Variants in TRMT10C observed in about 807,000 individuals in gnomAD.
TRMT10C encodes the protein tRNA methyltransferase 10 homolog C.
A neutral mutation model predicts 27.4 loss-of-function variants in TRMT10C; 14 were observed. That is an observed-to-expected ratio of 0.51 (90% CI 0.34 to 0.80). The LOEUF (loss-of-function observed/expected upper bound fraction) is 0.80. Among genes scored for constraint, TRMT10C ranks in the 30% least tolerant of loss-of-function variants. The probability of loss-of-function intolerance (pLI) is 0.02; values close to 1 mark genes in which losing one functional copy is unlikely to be tolerated. For synonymous variants in TRMT10C, 143 were observed against 155.9 expected, an observed-to-expected ratio of 0.92 and a Z score of 0.62; for missense variants, 438 against 464.8, an observed-to-expected ratio of 0.94 and a Z score of 0.53.
In TRMT10C at chr3:101,565,052, C is replaced by G; in HGVS notation, c.271C>G (p.Leu91Val). 2 of 1,613,974 alleles carry G rather than the reference C, an allele frequency of 1.2e-6. No individual in the cohort carries two copies. The highest frequency in any genetic ancestry group is 1.7e-6 in the Non-Finnish European group (2 of 1,180,014). The change falls in exon 2 of 2, where the codon CTA becomes GTA. Residue 91 changes from leucine to valine, a missense_variant. Physicochemically the swap from Leu to Val is conservative, Grantham distance 32 (BLOSUM62 1). Transcript: ENST00000309922. Reference protein sequence around the residue: ...TISSSKDEDPLAATREFIEMW... With the variant: ...TISSSKDEDPVAATREFIEMW... ...CTCAAGCAGTAAGGATGAAGATCCTCTAGCTGCCACCAGAGAGTTCATTGA... is the reference window on the plus strand; with the variant it reads ...CTCAAGCAGTAAGGATGAAGATCCTGTAGCTGCCACCAGAGAGTTCATTGA...
intron 1 of TRMT10C, chr3:101,562,236 A>G (rs910563337): frequency 6.6e-6 from 1 of 152,250 alleles, no homozygotes; most frequent in Non-Finnish European, 1.5e-5. Flanking sequence ...GTGGTATTCT[A>G]AGTCCTTGCC....
At position 101,565,501 on chromosome 3, in the gene TRMT10C, T is replaced by A. The variant is rs1406002018; in HGVS notation, c.720T>A (p.Pro240=). ...GATGGAACAGAAGAAATGTTGATCC[T>A]TTCCATATTTATTTCTGCAATCTAA... The part of the protein sequence containing the change: ...SEGWNRRNVD[P]FHIYFCNLKI... The change falls in exon 2 of 2, where the codon CCT becomes CCA. Residue 240 remains proline (P), a synonymous_variant. Transcript: ENST00000309922. 1 of 1,613,576 alleles carries A rather than the reference T, an allele frequency of 6.2e-7. No individual in the cohort carries two copies. Among genetic ancestry groups the A allele is most frequent in the East Asian group, 2.2e-5 (1 of 44,876 alleles).
rs759619774 is a variant in TRMT10C at position 101,565,549 on chromosome 3, A to T, written c.768A>T (p.Arg256Ser). The T allele has an allele frequency of 6.2e-7, 1 of 1,614,056 alleles. No individual in the cohort carries two copies. The highest frequency in any genetic ancestry group is 2.2e-5 in the East Asian group (1 of 44,884). Residue 256 changes from arginine (R) to serine (S), a missense_variant, in exon 2 of 2, where the codon AGA becomes AGT. By Grantham distance (110) the Arg-to-Ser change is moderately radical (BLOSUM62 -1). Transcript: ENST00000309922. ...TAAAAATAGATGGTGCTTTGCACAG[A>T]GAGTTAGTTAAACGGTATCAAGAAA... ...CNLKIDGALHRELVKRYQEKW... is the reference protein window; with the variant it reads ...CNLKIDGALHSELVKRYQEKW...
intron 1 of TRMT10C, among the ~76,000 whole-genome samples, chr3:101,563,459 G>A (rs553364318): frequency 1.3e-5 from 2 of 152,208 alleles, no homozygotes; most frequent in African/African-American, 4.8e-5. Context: ...CACCCGGCCT[G>A]CATTTGAGAT....
intron 1 of TRMT10C, among the ~76,000 whole-genome samples, chr3:101,563,855 A>G (rs1158970431): frequency 1.3e-5 from 2 of 152,076 alleles, no homozygotes; most frequent in Non-Finnish European, 2.9e-5. Context: ...AATCTTGGAC[A>G]TTTTCTTTGT....
At position 101,565,905 on chromosome 3, in the gene TRMT10C, T is replaced by C; in HGVS notation, c.1124T>C (p.Phe375Ser). ...GGTAATTGGCAAGAGGCTCTGCAATTCGTTCCCAAGAGAAAACATACTGGT... is the reference window on the plus strand; with the variant it reads ...GGTAATTGGCAAGAGGCTCTGCAATCCGTTCCCAAGAGAAAACATACTGGT... ...NNGNWQEALQFVPKRKHTGFL... is the reference protein window; with the variant it reads ...NNGNWQEALQSVPKRKHTGFL... The change falls in exon 2 of 2, where the codon TTC (phenylalanine) becomes TCC (serine). Residue 375 changes from phenylalanine (F) to serine (S), a missense_variant. Transcript: ENST00000309922. The C allele has an allele frequency of 6.2e-7, 1 of 1,614,178 alleles. No homozygotes were observed. The highest frequency in any genetic ancestry group is 8.5e-7 in the Non-Finnish European group (1 of 1,180,028).
chr3:101,563,012 C>G (rs1012300779), intron 1 of TRMT10C, among the ~76,000 whole-genome samples: 3 of 152,078 alleles, frequency 2.0e-5, no homozygotes, highest in Non-Finnish European at 4.4e-5. Context: ...GGGAACAATA[C>G]CAATGGATAG....
In TRMT10C at chr3:101,565,797, A is replaced by G; in HGVS notation, c.1016A>G (p.Asp339Gly). The G allele has an allele frequency of 6.2e-7, 1 of 1,614,108 alleles. No individual in the cohort carries two copies. Among genetic ancestry groups the G allele is most frequent in the Non-Finnish European group, 8.5e-7 (1 of 1,179,968 alleles). ...LNLATECLPLDKYLQWEIGNK... is the reference protein window; with the variant it reads ...LNLATECLPLGKYLQWEIGNK... ...CTGGCAACTGAATGCCTTCCATTAG[A>G]TAAATATTTACAATGGGAAATTGGT... Residue 339 changes from aspartate (D) to glycine (G), a missense_variant, in exon 2 of 2, where the codon GAT becomes GGT. Transcript: ENST00000309922.
chr3:101,563,140 G>T (rs113162180), intron 1 of TRMT10C, among the ~76,000 whole-genome samples: 1 of 152,168 alleles, frequency 6.6e-6, no homozygotes, highest in Non-Finnish European at 1.5e-5. Context: ...TTTTGAGACA[G>T]TCTTACTCTG....
chr3:101,565,968 A>G lies in TRMT10C; in HGVS notation c.1187A>G (p.Asn396Ser). 1.9e-6 allele frequency: 3 copies of G among 1,609,382 alleles called. No individual in the cohort carries two copies. The South Asian group carries it at 3.3e-5, about 18-fold the overall frequency. Residue 396 changes from asparagine to serine, a missense_variant, in exon 2 of 2, where the codon AAC (asparagine) becomes AGC (serine). Physicochemically the swap from Asn to Ser is conservative, Grantham distance 46. Around this residue, in one of 3 missense-constraint regions of TRMT10C, gnomAD observed 84 missense variants for 76.5 expected, o/e 1.10. Transcript: ENST00000309922. The stretch of plus-strand genomic sequence containing the variant: ...TCTCAGCATTCTCAAGAGTTTATCA[A>G]CAGACTAAAGAAGGCAAAGACTTAA... The part of the protein sequence containing the change: ...EISQHSQEFI[N>S]RLKKAKT
chr3:101,566,198 G>A lies in TRMT10C; in HGVS notation c.*205G>A. 3.9e-6 allele frequency: 2 copies of A among 516,788 alleles called. No individual in the cohort carries two copies. Among genetic ancestry groups the A allele is most frequent in the Non-Finnish European group, 6.8e-6 (2 of 293,240 alleles). The allele number at this position is 516,788 out of a possible 1,614,324, so 32.0% of individuals were successfully genotyped here. A position where few individuals can be genotyped will look rare whatever the true frequency, so the allele number is the denominator to read the frequency against. On this transcript the variant is annotated 3_prime_UTR_variant, in exon 2 of 2. Transcript: ENST00000309922. ...CCAATTAAATATCTGCAGAACTTTG[G>A]GATTATACTTTGTTTACTGTAGAAA...
At position 101,565,331 on chromosome 3, in the gene TRMT10C, G is replaced by T. The variant is rs769077630; in HGVS notation, c.550G>T (p.Asp184Tyr). ...QKNFLFLRLW[D>Y]RNMDIAMGWK... ...AAACTTTCTATTTTTACGACTTTGG[G>T]ATAGGAATATGGACATAGCAATGGG... Residue 184 changes from aspartate to tyrosine, a missense_variant, in exon 2 of 2, where the codon GAT becomes TAT. Physicochemically the swap from Asp to Tyr is radical, Grantham distance 160 (BLOSUM62 -3). Coordinates refer to ENST00000309922, the MANE Select transcript of TRMT10C (RefSeq NM_017819.4). 6.2e-7 allele frequency: 1 copy of T among 1,613,870 alleles called. No homozygotes were observed. Among genetic ancestry groups the T allele is most frequent in the Admixed American group, 1.7e-5 (1 of 59,920 alleles).
chr3:101,565,440 T>G lies in TRMT10C; in HGVS notation c.659T>G (p.Leu220Trp). Residue 220 changes from leucine (L) to tryptophan (W), a missense_variant, in exon 2 of 2, where the codon TTG becomes TGG. This residue lies in a region of TRMT10C where 350 missense variants were observed against 370.5 expected (regional missense o/e 0.94). Transcript: ENST00000309922. ...GAAAATTATATGAAACGAAAAGAATTGCAGAATACTGTTTCCCAGCTTTTA... is the reference window on the plus strand; with the variant it reads ...GAAAATTATATGAAACGAAAAGAATGGCAGAATACTGTTTCCCAGCTTTTA... ...AYENYMKRKE[L>W]QNTVSQLLES... 1 of 1,614,134 alleles carries G rather than the reference T, an allele frequency of 6.2e-7. No homozygotes were observed. Among genetic ancestry groups the G allele is most frequent in the East Asian group, 2.2e-5 (1 of 44,874 alleles).
Position 101,564,295 on chromosome 3 carries a change from T to C in TRMT10C, c.-12-475T>C, listed in dbSNP as rs1018390604. On this transcript the variant is annotated intron_variant, in intron 1 of 1. Coordinates refer to ENST00000309922, the MANE Select transcript of TRMT10C (RefSeq NM_017819.4). ...TTTTTTGAGACAGAATCTCACTCTG[T>C]CACCCAGGCTGGAGTGCAGTGGCAC... 5.2e-4 allele frequency among the ~76,000 whole-genome samples: 77 copies of C among 149,052 alleles called. 1 individual carries two copies. The highest frequency in any genetic ancestry group is 1.9e-3 in the African/African-American group (76 of 40,522).
intron 1 of TRMT10C, among the ~76,000 whole-genome samples, chr3:101,563,112 TTTTG>T (rs1934449362): frequency 6.6e-6 from 1 of 152,098 alleles, no homozygotes; most frequent in South Asian, 2.1e-4. Context: ...TTGAGGTGTT[TTTTG>T]TTTGTTTTTG....
chr3:101,565,106 C>T lies in TRMT10C; in HGVS notation c.325C>T (p.Pro109Ser), dbSNP rs764404101. 15 of 1,613,422 alleles carry T rather than the reference C, an allele frequency of 9.3e-6. No individual in the cohort carries two copies. Among genetic ancestry groups the T allele is most frequent in the Non-Finnish European group, 2.5e-6 (3 of 1,179,900 alleles). The change falls in exon 2 of 2, where the codon CCA (proline) becomes TCA (serine). Residue 109 changes from proline to serine, a missense_variant. Transcript: ENST00000309922. The stretch of plus-strand genomic sequence containing the variant: ...GTGGAGATTGCTTGGCAGAGAAGTA[C>T]CAGAACACATCACTGAAGAAGAGCT... ...EMWRLLGREV[P>S]EHITEEELKT...
rs1209173443 is a variant in TRMT10C at position 101,565,174 on chromosome 3, AT to A, written c.394del (p.Tyr132IlefsTer2). 3.9e-6 allele frequency: 6 copies of A among 1,548,834 alleles called. No individual in the cohort carries two copies. The African/African-American group carries it at 4.2e-5, about 11-fold the overall frequency. On this transcript the variant is annotated frameshift_variant, in exon 2 of 2. Coordinates refer to ENST00000309922, the MANE Select transcript of TRMT10C (RefSeq NM_017819.4). LOFTEE classifies it high-confidence loss of function. ...ECVSNTAKKK[Y>X]LKYLYTKEKV... ...GTGTTTCTAACACAGCAAAAAAAAA[AT>A]ATTTAAAATATTTATATACGAAGGA...
chr3:101,565,966 CA>C lies in TRMT10C; in HGVS notation c.1187del (p.Asn396ThrfsTer3). 6.2e-7 allele frequency: 1 copy of C among 1,609,026 alleles called. No individual in the cohort carries two copies. The highest frequency in any genetic ancestry group is 8.5e-7 in the Non-Finnish European group (1 of 1,177,690). ...EISQHSQEFI[N>X]RLKKAKT ...TTTCTCAGCATTCTCAAGAGTTTAT[CA>C]ACAGACTAAAGAAGGCAAAGACTTA... On this transcript the variant is annotated frameshift_variant, in exon 2 of 2. Transcript: ENST00000309922. LOFTEE classifies it high-confidence loss of function.
In TRMT10C at chr3:101,566,074, G is replaced by A. The variant is rs571547525; in HGVS notation, c.*81G>A. The A allele has an allele frequency of 3.8e-5, 54 of 1,403,560 alleles. No individual in the cohort carries two copies. Among genetic ancestry groups the A allele is most frequent in the African/African-American group, 2.6e-4 (18 of 69,314 alleles). 86.9% of individuals were successfully genotyped at this position (1,403,560 alleles called of 1,614,324 possible). On this transcript the variant is annotated 3_prime_UTR_variant, in exon 2 of 2. Coordinates refer to ENST00000309922, the MANE Select transcript of TRMT10C (RefSeq NM_017819.4). ...ATTTGATGGCTTAAAAAGTAAATGCGTTAGAAATACAGTTCTGTTAATGTA... is the reference window on the plus strand; with the variant it reads ...ATTTGATGGCTTAAAAAGTAAATGCATTAGAAATACAGTTCTGTTAATGTA...
Sources: allele counts gnomAD v4.1 joint callset (sites outside exome capture counted in the v4.1 genomes callset), GRCh38; gene constraint gnomAD v4.1.1; regional missense constraint gnomAD v4.1.1; transcripts MANE v1.5; gene names NCBI Gene and HGNC (gene_info 2026-07-23, HGNC 2026-07-21).